The following RBPJ variants were observed in gnomAD, a reference collection of about 807,000 sequenced individuals.
The protein encoded by RBPJ is recombining binding protein suppressor of hairless.
RBPJ carries 9 observed loss-of-function variants against 67.8 expected under a neutral mutation model. The observed-to-expected ratio is 0.13, with a 90% CI of 0.08 to 0.23. RBPJ has a LOEUF of 0.23. RBPJ is among the 10% of genes least tolerant of loss of function. RBPJ has a pLI of 1.00. For missense variants in RBPJ, 305 were observed against 595.6 expected (o/e 0.51, Z 5.08); for synonymous variants, 198 against 203.3 (o/e 0.97, Z 0.22).
At chr4:26,239,831 T>G (rs1043486183) in intron 1 of RBPJ, among the ~76,000 whole-genome samples, 7 of 152,172 alleles carry the variant, frequency 4.6e-5, no homozygotes, top group African/African-American at 1.7e-4. Flanking sequence ...GTGATGACAG[T>G]GAATTCCGTT....
chr4:26,333,985 T>C (rs1724526110), intron 1 of RBPJ, among the ~76,000 whole-genome samples: 1 of 152,116 alleles, frequency 6.6e-6, no homozygotes, highest in Non-Finnish European at 1.5e-5. Flanking sequence ...ATTTTTAAAA[T>C]AATTTTGTCA....
chr4:26,315,167 A>AATAT (rs67496694), upstream of RBPJ, among the ~76,000 whole-genome samples: 502 of 74,602 alleles, frequency 6.7e-3, 14 homozygotes, highest in Non-Finnish European at 8.2e-3. Context: ...AAAAAAAAAA[A>AATAT]ATATATATAT....
intron 1 of RBPJ, among the ~76,000 whole-genome samples, chr4:26,205,951 A>T (rs115277140): frequency 0.013 from 2,029 of 151,842 alleles, 18 homozygotes; most frequent in Non-Finnish European, 0.021. Context: ...ACAAAGAATA[A>T]GTAATCCATT....
At chr4:26,229,974 A>G (rs1719219678) in intron 1 of RBPJ, among the ~76,000 whole-genome samples, 1 of 152,142 alleles carries the variant, frequency 6.6e-6, no homozygotes, top group Admixed American at 6.5e-5. Flanking sequence ...AAACGGCTTG[A>G]GCCCAGGGGT....
chr4:26,332,971 G>T (rs768188106), intron 1 of RBPJ, among the ~76,000 whole-genome samples: 9 of 152,162 alleles, frequency 5.9e-5, no homozygotes, highest in Non-Finnish European at 1.3e-4. Flanking sequence ...TAAGTATATT[G>T]TGTAAAGTGA....
At chr4:26,320,591 C>A, upstream of RBPJ, 1 of 728,280 alleles carries the variant, frequency 1.4e-6, no homozygotes, top group Admixed American at 3.1e-5. Flanking sequence ...TCATCTAGGC[C>A]TGTGAAACGC....
At chr4:26,172,917 C>T (rs1716646743) in intron 1 of RBPJ, among the ~76,000 whole-genome samples, 1 of 152,166 alleles carries the variant, frequency 6.6e-6, no homozygotes, top group South Asian at 2.1e-4. Flanking sequence ...TACACATAGT[C>T]ATATGCCTGG....
intron 1 of RBPJ, among the ~76,000 whole-genome samples, chr4:26,195,686 C>A (rs1472895784): frequency 6.6e-6 from 1 of 152,108 alleles, no homozygotes; most frequent in African/African-American, 2.4e-5. Context: ...CCTCCGCCTC[C>A]CAGGTTCAAG....
chr4:26,168,213 G>C (rs967932794), intron 1 of RBPJ, among the ~76,000 whole-genome samples: 8 of 152,168 alleles, frequency 5.3e-5, no homozygotes, highest in African/African-American at 1.7e-4. Flanking sequence ...GCTGGTACAA[G>C]TTGTGCCTTT....
intron 1 of RBPJ, among the ~76,000 whole-genome samples, chr4:26,377,638 G>C (rs1729888758): frequency 3.9e-5 from 6 of 152,164 alleles, no homozygotes; most frequent in Admixed American, 3.9e-4. Flanking sequence ...AAAACCCTTA[G>C]GTTTGATGTG....
At chr4:26,386,870 G>T (rs1047586514) in intron 2 of RBPJ, among the ~76,000 whole-genome samples, 126 of 152,182 alleles carry the variant, frequency 8.3e-4, no homozygotes, top group African/African-American at 2.9e-3. Flanking sequence ...TCTTAAAAAT[G>T]ATTTTTAAAA....
At chr4:26,206,546 GA>G (rs1254140377) in intron 1 of RBPJ, among the ~76,000 whole-genome samples, 1 of 152,102 alleles carries the variant, frequency 6.6e-6, no homozygotes, top group African/African-American at 2.4e-5. Context: ...ACATGGTGAG[GA>G]ACTGACATAA....
At chr4:26,362,745 GTTATATAACTTTTGA>G (rs1264516842) in intron 1 of RBPJ, 5 of 806,084 alleles carry the variant, frequency 6.2e-6, no homozygotes, top group African/African-American at 3.5e-5. Flanking sequence ...ACATATTTAA[GTTATATAACTTTTGA>G]TTATAGATGT....
At chr4:26,289,598 T>C (rs1020384618) in intron 1 of RBPJ, among the ~76,000 whole-genome samples, 1 of 150,400 alleles carries the variant, frequency 6.6e-6, no homozygotes, top group Non-Finnish European at 1.5e-5. Flanking sequence ...CAAGAAGGAC[T>C]TTATCACGTG....
intron 2 of RBPJ, among the ~76,000 whole-genome samples, chr4:26,394,500 A>C (rs1731903384): frequency 6.6e-6 from 1 of 151,908 alleles, no homozygotes; most frequent in Non-Finnish European, 1.5e-5. Context: ...TAGAATAATC[A>C]GATGTTATAT....
chr4:26,342,265 CA>C (rs60781954), intron 1 of RBPJ, among the ~76,000 whole-genome samples: 2,345 of 114,082 alleles, frequency 0.021, 56 homozygotes, highest in African/African-American at 0.069. Flanking sequence ...CCTGGGTTAT[CA>C]AAAAAAAAAA....
At chr4:26,118,825 A>C in the RBPJ span, among the ~76,000 whole-genome samples, 4 of 152,210 alleles carry the variant, frequency 2.6e-5, no homozygotes, top group Non-Finnish European at 5.9e-5. Context: ...TGACTTCCCC[A>C]TTTCTGTCCA....
upstream of RBPJ, chr4:26,320,810 G>A: frequency 1.3e-6 from 2 of 1,557,700 alleles, no homozygotes; most frequent in African/African-American, 1.4e-5. Context: ...ATGCTCCATC[G>A]CCTGGGTAGG....
intron 1 of RBPJ, chr4:26,362,676 A>C: frequency 1.4e-6 from 2 of 1,461,660 alleles, no homozygotes; most frequent in Non-Finnish European, 1.9e-6. Flanking sequence ...GGATAGAATG[A>C]ACACTCATGA....
Sources: allele counts gnomAD v4.1 joint callset (sites outside exome capture counted in the v4.1 genomes callset), GRCh38; gene constraint gnomAD v4.1.1; transcripts MANE v1.5; gene names NCBI Gene and HGNC (gene_info 2026-07-23, HGNC 2026-07-21).